RASA2: variants seen among roughly 807,000 people sequenced by gnomAD.
RASA2 encodes the protein ras GTPase-activating protein 2.
In RASA2, 155 loss-of-function variants were observed where a neutral mutation model predicts 118.2. That is an observed-to-expected ratio of 1.31 (90% CI 1.15 to 1.50). The LOEUF (loss-of-function observed/expected upper bound fraction) is 1.50, where lower values mean the gene tolerates loss of function less well. RASA2 is among the 40% of genes most tolerant of loss of function. The pLI, the probability that RASA2 is intolerant of heterozygous loss-of-function variation, is 0.00. For missense variants in RASA2, 1,016 were observed against 1,009.6 expected, an observed-to-expected ratio of 1.01 and a Z score of -0.09; for synonymous variants, 353 against 349.1, an observed-to-expected ratio of 1.01 and a Z score of -0.12.
At chr3:141,594,407 G>A (rs112337271) in intron 19 of RASA2, among the ~76,000 whole-genome samples, 5,434 of 151,974 alleles carry the variant, frequency 0.036, 339 homozygotes, top group African/African-American at 0.12. Flanking sequence ...CCCAAATTTG[G>A]TGAAACAGTA....
At chr3:141,543,119 T>C (rs1201896323) in intron 5 of RASA2, among the ~76,000 whole-genome samples, 2 of 152,046 alleles carry the variant, frequency 1.3e-5, no homozygotes, top group African/African-American at 4.8e-5. Context: ...TGTTTTCTTT[T>C]TCCTGTGGGT....
chr3:141,550,927 C>T lies in RASA2; in HGVS notation c.528-2930C>T, dbSNP rs1426812843. Among the ~76,000 whole-genome samples, 4 of 152,196 alleles carry T rather than the reference C, an allele frequency of 2.6e-5. No individual in the cohort carries two copies. The East Asian group carries it at 5.8e-4, about 22-fold the overall frequency. Reference sequence around the variant, plus strand: ...AAGTCTTAGCAAATGTTTAATTCCGCTCAGTATGTTTTTCATCTCTAGATT... The same window carrying T: ...AAGTCTTAGCAAATGTTTAATTCCGTTCAGTATGTTTTTCATCTCTAGATT... On this transcript the variant is annotated intron_variant, in intron 5 of 23. Coordinates refer to ENST00000286364, the MANE Select transcript of RASA2 (RefSeq NM_006506.5).
chr3:141,553,250 G>A (rs1188055012), intron 5 of RASA2, among the ~76,000 whole-genome samples: 1 of 152,140 alleles, frequency 6.6e-6, no homozygotes, highest in Non-Finnish European at 1.5e-5. Flanking sequence ...GGCTTGGTTT[G>A]TAGCTTCTCA....
chr3:141,608,124 C>T (rs1390911397), intron 20 of RASA2, among the ~76,000 whole-genome samples: 1 of 152,214 alleles, frequency 6.6e-6, no homozygotes, highest in Non-Finnish European at 1.5e-5. Flanking sequence ...TGCTCCCATT[C>T]AGTGCATACC....
intron 4 of RASA2, among the ~76,000 whole-genome samples, chr3:141,537,539 C>T (rs1174938364): frequency 2.0e-5 from 3 of 152,078 alleles, no homozygotes; most frequent in Non-Finnish European, 4.4e-5. Context: ...GAGGCCAAGG[C>T]GGGAAAATTA....
chr3:141,541,653 C>G (rs1375253754), intron 5 of RASA2, among the ~76,000 whole-genome samples: 2 of 152,018 alleles, frequency 1.3e-5, no homozygotes, highest in South Asian at 2.1e-4. Context: ...TGTTAACTGT[C>G]CCAATGATGT....
intron 1 of RASA2, among the ~76,000 whole-genome samples, chr3:141,505,706 G>C (rs567961940): frequency 7.2e-4 from 110 of 152,244 alleles, no homozygotes; most frequent in African/African-American, 2.6e-3. Flanking sequence ...GTGGTAGATA[G>C]TGTGAGCCAT....
chr3:141,560,682 TCTATAGCA>T (rs1230125551), intron 9 of RASA2, among the ~76,000 whole-genome samples: 1 of 152,192 alleles, frequency 6.6e-6, no homozygotes, highest in African/African-American at 2.4e-5. Flanking sequence ...TTTTTTTCTG[TCTATAGCA>T]CTTAAAAGCG....
intron 4 of RASA2, among the ~76,000 whole-genome samples, chr3:141,539,532 T>A (rs1030078709): frequency 6.6e-6 from 1 of 152,170 alleles, no homozygotes; most frequent in Non-Finnish European, 1.5e-5. Context: ...TGAAAAGGGT[T>A]GTTCTAAAGA....
At chr3:141,612,056 G>A (rs2083661176) in intron 23 of RASA2, among the ~76,000 whole-genome samples, 1 of 152,084 alleles carries the variant, frequency 6.6e-6, no homozygotes, top group Non-Finnish European at 1.5e-5. Flanking sequence ...GTTCCATGAT[G>A]GCAAGGGTTT....
rs1259526434 is a variant in RASA2 at position 141,499,310 on chromosome 3, CT to C, written c.133+12096del. Among the ~76,000 whole-genome samples, 4 of 152,132 alleles carry C rather than the reference CT, an allele frequency of 2.6e-5. No individual in the cohort carries two copies. The South Asian group carries it at 6.2e-4, about 24-fold the overall frequency. ...ATTGTCTTACTTATGTGTAATTGTA[CT>C]TATATATAGTTCAGGTTTTATACCC... On this transcript the variant is annotated intron_variant, in intron 1 of 23. Coordinates refer to ENST00000286364, the MANE Select transcript of RASA2 (RefSeq NM_006506.5).
At position 141,612,882 on chromosome 3, in the gene RASA2, T is replaced by C. The variant is rs2083674078; in HGVS notation, c.*569T>C. 4 of 152,284 alleles carry C rather than the reference T, an allele frequency of 2.6e-5. No individual in the cohort carries two copies. Among genetic ancestry groups the C allele is most frequent in the Admixed American group, 6.5e-5 (1 of 15,292 alleles). 9.4% of individuals were successfully genotyped at this position (152,284 alleles called of 1,614,324 possible). A position where few individuals can be genotyped will look rare whatever the true frequency, so the allele number is the denominator to read the frequency against. ...ACTTTAGAAAACTGCCAGAGCATAC[T>C]TGAAAGTTGGTAGATCCTTTTGCCT... is the stretch of plus-strand genomic sequence containing the variant. On this transcript the variant is annotated 3_prime_UTR_variant, in exon 24 of 24. Coordinates refer to ENST00000286364, the MANE Select transcript of RASA2 (RefSeq NM_006506.5).
intron 5 of RASA2, 65 bp from the exon 6 acceptor site, chr3:141,553,792 A>T (rs2082607526): frequency 2.6e-6 from 4 of 1,565,632 alleles, no homozygotes; most frequent in Non-Finnish European, 3.5e-6. Context: ...GTTTGTGTTT[A>T]AAGATAATGT....
rs41265463 is a variant in RASA2, at chr3:141,560,279, T to G, written c.863+284T>G. On this transcript the variant is annotated intron_variant, in intron 9 of 23. Coordinates refer to ENST00000286364, the MANE Select transcript of RASA2 (RefSeq NM_006506.5). ...GAAAAATGGGAAACATTTAAAACAT[T>G]ACATAAGAGTTGTTCATGTAAGAAA... Among the ~76,000 whole-genome samples, 503 of 152,280 alleles carry G rather than the reference T, an allele frequency of 3.3e-3. 3 individuals carry two copies. Among genetic ancestry groups the G allele is most frequent in the Non-Finnish European group, 5.5e-3 (371 of 67,990 alleles).
intron 3 of RASA2, among the ~76,000 whole-genome samples, chr3:141,524,055 GTACT>G (rs1457545273): frequency 2.0e-5 from 3 of 152,194 alleles, no homozygotes; most frequent in African/African-American, 7.2e-5. Flanking sequence ...TGCTATGTAA[GTACT>G]CCAATACTTA....
intron 1 of RASA2, among the ~76,000 whole-genome samples, chr3:141,505,274 C>G (rs2081848407): frequency 2.0e-5 from 3 of 152,200 alleles, no homozygotes; most frequent in African/African-American, 4.8e-5. Flanking sequence ...ATCCCCAGCA[C>G]TTAGAACAGT....
chr3:141,541,825 T>TA (rs200390059), intron 5 of RASA2, among the ~76,000 whole-genome samples: 2 of 151,696 alleles, frequency 1.3e-5, no homozygotes, highest in Non-Finnish European at 2.9e-5. Context: ...TTTTTTTTTT[T>TA]AATGTTTCTC....
intron 8 of RASA2, among the ~76,000 whole-genome samples, chr3:141,559,299 T>A (rs2082694984): frequency 6.6e-6 from 1 of 151,696 alleles, no homozygotes; most frequent in Non-Finnish European, 1.5e-5. Flanking sequence ...AATTTAGAAA[T>A]TTTTTTTTAT....
chr3:141,586,146 T>G, intron 18 of RASA2, 48 bp downstream of exon 18: 1 of 1,492,142 alleles, frequency 6.7e-7, no homozygotes, highest in Non-Finnish European at 9.3e-7. Flanking sequence ...GTATAGATAT[T>G]AAGTAAGTAC....
Sources: gnomAD v4.1 joint callset for allele counts (sites outside exome capture counted in the v4.1 genomes callset) on GRCh38, gnomAD v4.1.1 for gene constraint, MANE v1.5 for transcripts, NCBI Gene and HGNC (gene_info 2026-07-23, HGNC 2026-07-21) for gene names.